The following ALOX5AP variants were observed in gnomAD, a reference collection of about 807,000 sequenced individuals.
ALOX5AP encodes arachidonate 5-lipoxygenase-activating protein.
A neutral mutation model predicts 18.5 loss-of-function variants in ALOX5AP; 9 were observed. The ratio of observed to expected loss-of-function variants is 0.49; its 90% CI spans 0.29 to 0.85. ALOX5AP has a LOEUF of 0.85. ALOX5AP is among the 40% of genes least tolerant of loss of function. ALOX5AP has a pLI of 0.08. For missense variants in ALOX5AP, 172 were observed against 202.5 expected, an observed-to-expected ratio of 0.85 and a Z score of 0.91; for synonymous variants, 81 against 78.6, an observed-to-expected ratio of 1.03 and a Z score of -0.16.
intron 1 of ALOX5AP, among the ~76,000 whole-genome samples, chr13:30,717,160 A>T (rs573967883): frequency 1.9e-4 from 29 of 152,360 alleles, no homozygotes; most frequent in African/African-American, 6.7e-4. Flanking sequence ...AAACACCTCT[A>T]GCAGGCAGGA....
At chr13:30,715,992 C>T (rs937474653) in intron 1 of ALOX5AP, among the ~76,000 whole-genome samples, 3 of 152,180 alleles carry the variant, frequency 2.0e-5, no homozygotes, top group Non-Finnish European at 4.4e-5. Context: ...CCCGGGCTCC[C>T]CTCCAGAGCT....
chr13:30,741,306 T>C (rs1951762158), intron 1 of ALOX5AP, among the ~76,000 whole-genome samples: 1 of 151,206 alleles, frequency 6.6e-6, no homozygotes, highest in African/African-American at 2.4e-5. Flanking sequence ...GAGACAGGGT[T>C]TCACCATGTT....
intron 1 of ALOX5AP, among the ~76,000 whole-genome samples, chr13:30,738,439 T>C (rs1951737404): frequency 6.6e-6 from 1 of 152,214 alleles, no homozygotes; most frequent in African/African-American, 2.4e-5. Flanking sequence ...GCCAATACTA[T>C]GACATTGGCT....
At chr13:30,725,015 G>A (rs140743657) in intron 1 of ALOX5AP, among the ~76,000 whole-genome samples, 1 of 152,330 alleles carries the variant, frequency 6.6e-6, no homozygotes, top group East Asian at 1.9e-4. Flanking sequence ...TACCCAAAGT[G>A]GCTAGCTGAG....
intron 1 of ALOX5AP, among the ~76,000 whole-genome samples, chr13:30,743,780 G>A (rs1251777891): frequency 6.6e-6 from 1 of 152,086 alleles, no homozygotes; most frequent in African/African-American, 2.4e-5. Flanking sequence ...ACTTTGCTGT[G>A]TGGAATGTCT....
chr13:30,716,762 T>C (rs570998460), intron 1 of ALOX5AP, among the ~76,000 whole-genome samples: 5 of 152,340 alleles, frequency 3.3e-5, no homozygotes, highest in South Asian at 2.1e-4. Flanking sequence ...TGAGTTGTGA[T>C]AATTCGCTGG....
rs765211759 is a variant in ALOX5AP at position 30,713,746 on chromosome 13, T to C, written c.21T>C (p.Asp7=). Residue 7 remains aspartate (D), a synonymous_variant, in exon 1 of 6, where the codon GAT becomes GAC. Coordinates refer to the ALOX5AP transcript ENST00000617770. ...CAAAAATGCTCACATTTAATCACGATGCTCCCTGGCATACACAGAAGACTC... is the reference window on the plus strand; with the variant it reads ...CAAAAATGCTCACATTTAATCACGACGCTCCCTGGCATACACAGAAGACTC... The C allele has an allele frequency of 5.2e-6, 8 of 1,534,756 alleles. No homozygotes were observed. The South Asian group carries it at 7.1e-5, about 14-fold the overall frequency.
At position 30,716,604 on chromosome 13, in the gene ALOX5AP, GC is replaced by G. The variant is rs1306009544; in HGVS notation, c.116+2769del. Among the ~76,000 whole-genome samples the G allele has an allele frequency of 1.8e-4, 27 of 152,254 alleles. No individual in the cohort carries two copies. In the East Asian group the frequency reaches 4.8e-3, roughly 27 times the overall value. ...TCCTTAGTCATTGGCTAAAATATCA[GC>G]CCCCCTGCAATGAGCCATCCTCCCT... On this transcript the variant is annotated intron_variant, in intron 1 of 5. Coordinates refer to the ALOX5AP transcript ENST00000617770.
chr13:30,744,968 G>C (rs17239123), intron 2 of ALOX5AP, among the ~76,000 whole-genome samples: 1,854 of 152,294 alleles, frequency 0.012, 42 homozygotes, highest in African/African-American at 0.043. Context: ...TGTTCCCAGA[G>C]ATCCTTCCAA....
At position 30,755,934 on chromosome 13, in the gene ALOX5AP, C is replaced by T. The variant is rs1210382165; in HGVS notation, c.242-10C>T. 1 of 1,613,796 alleles carries T rather than the reference C, an allele frequency of 6.2e-7. No individual in the cohort carries two copies. The highest frequency in any genetic ancestry group is 1.7e-4 in the Middle Eastern group (1 of 6,060). On this transcript the variant is annotated splice_polypyrimidine_tract_variant and intron_variant, in intron 3 of 4. Coordinates refer to ENST00000380490, the MANE Select transcript of ALOX5AP (RefSeq NM_001629.4). ...GAAACTGACACAGGTGTTTTCATTT[C>T]TCCACTTAGTTCCTGCTGCGTTTGC...
intron 3 of ALOX5AP, among the ~76,000 whole-genome samples, chr13:30,754,531 G>C (rs1282270134): frequency 6.6e-6 from 1 of 150,862 alleles, no homozygotes; most frequent in Non-Finnish European, 1.5e-5. Context: ...ATATCAGATT[G>C]AGCCATGTAA....
At position 30,758,549 on chromosome 13, in the gene ALOX5AP, G is replaced by A. The variant is rs1593445744; in HGVS notation, c.323+2524G>A. Among the ~76,000 whole-genome samples the A allele has an allele frequency of 2.0e-5, 3 of 152,272 alleles. No homozygotes were observed. The South Asian group carries it at 6.2e-4, about 32-fold the overall frequency. ...GTGGGTAGGGAAGACATTCCATAATGAATGCCCCAGTCTGAGCTTCTTCCT... is the reference window on the plus strand; with the variant it reads ...GTGGGTAGGGAAGACATTCCATAATAAATGCCCCAGTCTGAGCTTCTTCCT... On this transcript the variant is annotated intron_variant, in intron 4 of 4. Coordinates refer to ENST00000380490, the MANE Select transcript of ALOX5AP (RefSeq NM_001629.4).
chr13:30,718,191 T>C (rs1031100336), intron 1 of ALOX5AP, among the ~76,000 whole-genome samples: 16 of 151,710 alleles, frequency 1.1e-4, no homozygotes, highest in African/African-American at 3.6e-4. Context: ...ACTCCTGACC[T>C]CAGGTGATCC....
chr13:30,719,889 G>T (rs12429623), intron 1 of ALOX5AP, among the ~76,000 whole-genome samples: 16 of 150,976 alleles, frequency 1.1e-4, no homozygotes, highest in African/African-American at 3.9e-4. Flanking sequence ...TTGAGATGGA[G>T]TCTTGCTCTG....
chr13:30,730,958 A>G (rs916958762), upstream of ALOX5AP, among the ~76,000 whole-genome samples: 1 of 152,082 alleles, frequency 6.6e-6, no homozygotes, highest in Non-Finnish European at 1.5e-5. Flanking sequence ...TATTTGTCTA[A>G]CTAACCTGTC....
chr13:30,714,308 CTT>C (rs1951532523), intron 1 of ALOX5AP, among the ~76,000 whole-genome samples: 2 of 151,422 alleles, frequency 1.3e-5, no homozygotes, highest in South Asian at 4.2e-4. Context: ...CCTTTCTACT[CTT>C]TCCTGAGAAA....
At chr13:30,757,940 G>A (rs1223359628) in intron 4 of ALOX5AP, among the ~76,000 whole-genome samples, 2 of 152,138 alleles carry the variant, frequency 1.3e-5, no homozygotes, top group African/African-American at 4.8e-5. Flanking sequence ...CTCTTTAGGT[G>A]ATAAGAAGAA....
At chr13:30,722,708 G>A (rs955165140) in intron 1 of ALOX5AP, among the ~76,000 whole-genome samples, 1 of 152,232 alleles carries the variant, frequency 6.6e-6, no homozygotes, top group Non-Finnish European at 1.5e-5. Context: ...ATTGGAGGCA[G>A]GGCCTAGTAG....
chr13:30,716,500 T>C (rs1951551324), intron 1 of ALOX5AP, among the ~76,000 whole-genome samples: 1 of 152,200 alleles, frequency 6.6e-6, no homozygotes, highest in South Asian at 2.1e-4. Flanking sequence ...CCGACATTAT[T>C]TGTATGAACA....
Sources: allele counts gnomAD v4.1 joint callset (sites outside exome capture counted in the v4.1 genomes callset), GRCh38; gene constraint gnomAD v4.1.1; transcripts MANE v1.5; gene names NCBI Gene and HGNC (gene_info 2026-07-23, HGNC 2026-07-21).